The following OR10J1 variants were observed in gnomAD, a reference collection of about 807,000 sequenced individuals.
OR10J1 encodes olfactory receptor 10J1.
For missense variants in OR10J1, 474 were observed against 376.6 expected (o/e 1.26, Z -2.14); for synonymous variants, 202 against 143.8 (o/e 1.40, Z -2.89).
At chr1:159,413,231 A>G in the OR10J1 span, among the ~76,000 whole-genome samples, 2 of 152,148 alleles carry the variant, frequency 1.3e-5, no homozygotes, top group Non-Finnish European at 2.9e-5. Flanking sequence ...ACACTTTTAC[A>G]CTGTTGGTGG....
the OR10J1 span, among the ~76,000 whole-genome samples, chr1:159,414,653 G>T: frequency 6.6e-6 from 1 of 152,014 alleles, no homozygotes; most frequent in Non-Finnish European, 1.5e-5. Context: ...TTTAGCTTTT[G>T]AGAAATGTCA....
the OR10J1 span, among the ~76,000 whole-genome samples, chr1:159,415,238 A>AT: frequency 6.6e-6 from 1 of 151,936 alleles, no homozygotes; most frequent in Non-Finnish European, 1.5e-5. Flanking sequence ...TCTTGAGTTG[A>AT]TTTTTTTATA....
At chr1:159,410,749 T>G in the OR10J1 span, among the ~76,000 whole-genome samples, 1 of 150,942 alleles carries the variant, frequency 6.6e-6, no homozygotes, top group Non-Finnish European at 1.5e-5. Flanking sequence ...AGCTTTTGAA[T>G]GTGTTTGCTC....
chr1:159,413,861 AG>A, the OR10J1 span, among the ~76,000 whole-genome samples: 3 of 150,446 alleles, frequency 2.0e-5, no homozygotes, highest in Non-Finnish European at 4.4e-5. Context: ...AAAATAAAAA[AG>A]TAAATAAATA....
the OR10J1 span, among the ~76,000 whole-genome samples, chr1:159,413,384 G>A: frequency 2.0e-5 from 3 of 151,976 alleles, no homozygotes; most frequent in South Asian, 6.2e-4. Context: ...AAAGACACAT[G>A]CACACGTATG....
chr1:159,410,593 T>C, the OR10J1 span, among the ~76,000 whole-genome samples: 1 of 151,994 alleles, frequency 6.6e-6, no homozygotes, highest in African/African-American at 2.4e-5. Flanking sequence ...CTCTCTTTTT[T>C]TCTTTATTAG....
At chr1:159,433,098 A>G (rs1356548901), upstream of OR10J1, 1 of 442,396 alleles carries the variant, frequency 2.3e-6, no homozygotes, top group Non-Finnish European at 4.0e-6. Flanking sequence ...GAGGTCAAGG[A>G]TGCCTTGCTC....
At chr1:159,401,235 G>C in the OR10J1 span, among the ~76,000 whole-genome samples, 5 of 151,496 alleles carry the variant, frequency 3.3e-5, no homozygotes, top group Admixed American at 3.3e-4. Context: ...CAAAGTAGTA[G>C]AAGATAAATA....
rs770365482 is a variant in OR10J1, at chr1:159,439,913, G to A, written c.122G>A (p.Gly41Asp). The A allele has an allele frequency of 1.9e-6, 3 of 1,614,074 alleles. No individual in the cohort carries two copies. Among genetic ancestry groups the A allele is most frequent in the South Asian group, 1.1e-5 (1 of 91,072 alleles). Residue 41 changes from glycine (G) to aspartate (D), a missense_variant, in exon 1 of 1, where the codon GGC (glycine) becomes GAC (aspartate). Coordinates refer to ENST00000423932, the MANE Select transcript of OR10J1 (RefSeq NM_012351.3). Reference protein sequence around the residue: ...FLALYILTLAGNIIIVTIIRM... With the variant: ...FLALYILTLADNIIIVTIIRM... ...GCACTATACATCTTAACCTTAGCAG[G>A]CAATATCATCATTGTGACCATCATC...
At chr1:159,400,517 G>A in the OR10J1 span, among the ~76,000 whole-genome samples, 1 of 150,530 alleles carries the variant, frequency 6.6e-6, no homozygotes, top group African/African-American at 2.4e-5. Context: ...ACTTCAGCAA[G>A]GGGATATAAC....
the OR10J1 span, among the ~76,000 whole-genome samples, chr1:159,402,491 TA>T: frequency 5.9e-5 from 9 of 151,868 alleles, no homozygotes; most frequent in Admixed American, 1.3e-4. Context: ...ACAAATTTTT[TA>T]AAAAAAATCC....
chr1:159,405,723 G>A, the OR10J1 span: 1 of 777,334 alleles, frequency 1.3e-6, no homozygotes, highest in Non-Finnish European at 2.2e-6. Context: ...TGAGGTCATA[G>A]GAGATAAAGA....
chr1:159,399,446 C>T, the OR10J1 span, among the ~76,000 whole-genome samples: 1 of 151,696 alleles, frequency 6.6e-6, no homozygotes, highest in Non-Finnish European at 1.5e-5. Context: ...TGGTGGGCAC[C>T]TGTAGTCCCA....
the OR10J1 span, among the ~76,000 whole-genome samples, chr1:159,416,961 C>A: frequency 6.6e-6 from 1 of 151,590 alleles, no homozygotes; most frequent in Non-Finnish European, 1.5e-5. Flanking sequence ...TTATTTGGGT[C>A]TTCTCTCTTT....
At chr1:159,430,043 A>C in the OR10J1 span, among the ~76,000 whole-genome samples, 3 of 152,040 alleles carry the variant, frequency 2.0e-5, no homozygotes, top group Admixed American at 6.6e-5. Context: ...TCTGTAACTA[A>C]ATGTGACCTC....
At chr1:159,429,456 C>T in the OR10J1 span, among the ~76,000 whole-genome samples, 2 of 152,184 alleles carry the variant, frequency 1.3e-5, no homozygotes, top group African/African-American at 4.8e-5. Flanking sequence ...TTCTGAGGCC[C>T]TCCCCATAAT....
At chr1:159,417,090 T>TTATTTC in the OR10J1 span, among the ~76,000 whole-genome samples, 1 of 152,160 alleles carries the variant, frequency 6.6e-6, no homozygotes, top group African/African-American at 2.4e-5. Context: ...TTGATCTTTA[T>TTATTTC]TATTTCTTCT....
the OR10J1 span, among the ~76,000 whole-genome samples, chr1:159,412,108 T>A: frequency 6.6e-6 from 1 of 151,860 alleles, no homozygotes; most frequent in African/African-American, 2.4e-5. Context: ...GAGAATAAAA[T>A]ACTTAGGAAG....
At chr1:159,413,716 C>T in the OR10J1 span, among the ~76,000 whole-genome samples, 1 of 150,548 alleles carries the variant, frequency 6.6e-6, no homozygotes, top group African/African-American at 2.4e-5. Context: ...GGAGGGATAG[C>T]ATTAGGAGAT....
Sources: allele counts gnomAD v4.1 joint callset (sites outside exome capture counted in the v4.1 genomes callset), GRCh38; gene constraint gnomAD v4.1.1; transcripts MANE v1.5; gene names NCBI Gene and HGNC (gene_info 2026-07-23, HGNC 2026-07-21).